TUT4: variants seen among roughly 807,000 people sequenced by gnomAD.
TUT4 encodes the protein terminal uridylyl transferase 4.
TUT4 carries 36 observed loss-of-function variants against 192.2 expected under a neutral mutation model. That is an observed-to-expected ratio of 0.19 (90% CI 0.14 to 0.25). The LOEUF (loss-of-function observed/expected upper bound fraction) is 0.25. TUT4 is among the 10% of genes least tolerant of loss of function. TUT4 has a pLI of 1.00. For synonymous variants in TUT4, 618 were observed against 666.0 expected (o/e 0.93, Z 1.11); for missense variants, 1,493 against 1,957.2 (o/e 0.76, Z 4.47).
chr1:52,424,186 T>TG, intron 29 of TUT4, 184 bp from the exon 30 acceptor site: 1 of 597,334 alleles, frequency 1.7e-6, no homozygotes, highest in Non-Finnish European at 2.9e-6. Context: ...TACCTGTATG[T>TG]GAAAAAAGGA....
chr1:52,445,667 A>C, intron 24 of TUT4, 120 bp downstream of exon 24: 1 of 741,180 alleles, frequency 1.3e-6, no homozygotes, highest in Non-Finnish European at 2.2e-6. Context: ...CAATAAGAAA[A>C]AATATACAAA....
In TUT4 at chr1:52,461,758, A is replaced by G; in HGVS notation, c.3081T>C (p.Cys1027=). ...TTGCCAAATTTTCAATTATTTCCTT[A>G]CAATTTAATTTCTAAAAAACAAATC... The part of the protein sequence containing the change: ...EGHENAEKLN[C]KEIIENLAKI... The change falls in exon 17 of 30, where the codon TGT becomes TGC. Residue 1027 remains cysteine, a synonymous_variant. Coordinates refer to ENST00000257177, the MANE Select transcript of TUT4 (RefSeq NM_001009881.3). The G allele has an allele frequency of 7.2e-7, 1 of 1,398,448 alleles. No homozygotes were observed. Among genetic ancestry groups the G allele is most frequent in the Non-Finnish European group, 9.8e-7 (1 of 1,016,874 alleles). The allele number at this position is 1,398,448 out of a possible 1,614,324, so 86.6% of individuals were successfully genotyped here. A position where few individuals can be genotyped will look rare whatever the true frequency, so the allele number is the denominator to read the frequency against.
chr1:52,458,710 T>C (rs1661640557), intron 19 of TUT4, among the ~76,000 whole-genome samples: 1 of 152,072 alleles, frequency 6.6e-6, no homozygotes, highest in African/African-American at 2.4e-5. Flanking sequence ...CTACTATACA[T>C]GACGTGGGGA....
chr1:52,434,640 C>A (rs762591551), intron 27 of TUT4: 1 of 152,160 alleles, frequency 6.6e-6, no homozygotes, highest in Non-Finnish European at 1.5e-5. Context: ...GAGTTCAAGA[C>A]TAGCCCGACC....
Position 52,525,847 on chromosome 1 carries a change from C to T in TUT4, c.434G>A (p.Ser145Asn), listed in dbSNP as rs980167420. Reference protein sequence around the residue: ...PNSVKAEKASSYQMKSEKVPS... With the variant: ...PNSVKAEKASNYQMKSEKVPS... ...TACTTTTTCTGACTTCATCTGATAA[C>T]TGGATGCTTTTTCTGCTTTCACTGA... Residue 145 changes from serine to asparagine, a missense_variant, in exon 2 of 30, where the codon AGT becomes AAT. Around this residue, in one of 7 missense-constraint regions of TUT4, gnomAD observed 260 missense variants for 247.8 expected, o/e 1.05. Coordinates refer to ENST00000257177, the MANE Select transcript of TUT4 (RefSeq NM_001009881.3). The T allele has an allele frequency of 1.9e-6, 3 of 1,614,000 alleles. No individual in the cohort carries two copies. Among genetic ancestry groups the T allele is most frequent in the Non-Finnish European group, 2.5e-6 (3 of 1,180,032 alleles).
At position 52,438,031 on chromosome 1, in the gene TUT4, G is replaced by A. The variant is rs544465297; in HGVS notation, c.3938+189C>T. ...TTAATGAATAAATGAACAAATGAAT[G>A]TTAGAAGATACTATTATACCACATG... On this transcript the variant is annotated intron_variant, in intron 25 of 29. Coordinates refer to ENST00000257177, the MANE Select transcript of TUT4 (RefSeq NM_001009881.3). 2.0e-5 allele frequency among the ~76,000 whole-genome samples: 3 copies of A among 152,182 alleles called. No individual in the cohort carries two copies. In the East Asian group the frequency reaches 5.8e-4, roughly 29 times the overall value.
chr1:52,508,460 C>T (rs1395932244), intron 4 of TUT4, among the ~76,000 whole-genome samples: 1 of 152,148 alleles, frequency 6.6e-6, no homozygotes, highest in Non-Finnish European at 1.5e-5. Context: ...GTTCTATCTG[C>T]TTCAGTTCAT....
intron 3 of TUT4, among the ~76,000 whole-genome samples, chr1:52,512,315 C>T (rs1446305082): frequency 2.0e-5 from 3 of 152,276 alleles, no homozygotes; most frequent in Non-Finnish European, 2.9e-5. Context: ...AGGACTTGTG[C>T]TAAAAACTTT....
At chr1:52,471,057 C>T (rs1557755392) in intron 14 of TUT4, among the ~76,000 whole-genome samples, 1 of 134,010 alleles carries the variant, frequency 7.5e-6, no homozygotes, top group Non-Finnish European at 1.5e-5. Flanking sequence ...CACTCTGTTG[C>T]CCGGGCTGGA....
chr1:52,552,123 A>G (rs567669572), intron 1 of TUT4, among the ~76,000 whole-genome samples: 34 of 152,354 alleles, frequency 2.2e-4, no homozygotes, highest in Non-Finnish European at 4.1e-4. Flanking sequence ...ATCTTCTGAA[A>G]AGAAAATGTG....
chr1:52,521,912 C>G (rs558074222), intron 2 of TUT4, among the ~76,000 whole-genome samples: 1 of 152,004 alleles, frequency 6.6e-6, no homozygotes, highest in South Asian at 2.1e-4. Flanking sequence ...TTGCAGTGAG[C>G]CAAGATCATA....
intron 4 of TUT4, among the ~76,000 whole-genome samples, chr1:52,502,855 C>T (rs992837736): frequency 2.6e-5 from 4 of 152,038 alleles, no homozygotes; most frequent in Non-Finnish European, 4.4e-5. Context: ...AACTCCTGAG[C>T]TCAGGAGATC....
chr1:52,478,961 A>C (rs1667790067), intron 11 of TUT4, among the ~76,000 whole-genome samples: 1 of 152,218 alleles, frequency 6.6e-6, no homozygotes, highest in Admixed American at 6.5e-5. Context: ...TTAGTAAGTA[A>C]ATTACATAGT....
rs1671778738 is a variant in TUT4 at position 52,493,799 on chromosome 1, C to T, written c.1267-137G>A. Reference sequence around the variant, plus strand: ...GTGTTTTAAATAGTGAAAACAGAATCGTGTTTTTTTTTTGTTTTTTTTTGA... The same window carrying T: ...GTGTTTTAAATAGTGAAAACAGAATTGTGTTTTTTTTTTGTTTTTTTTTGA... On this transcript the variant is annotated intron_variant, in intron 6 of 29. Transcript: ENST00000257177. 4 of 635,902 alleles carry T rather than the reference C, an allele frequency of 6.3e-6. No homozygotes were observed. The South Asian group carries it at 7.0e-5, about 11-fold the overall frequency. The allele number at this position is 635,902 out of a possible 1,614,324, so 39.4% of individuals were successfully genotyped here.
chr1:52,538,990 T>C (rs1571444260), intron 1 of TUT4, among the ~76,000 whole-genome samples: 1 of 152,172 alleles, frequency 6.6e-6, no homozygotes, highest in African/African-American at 2.4e-5. Flanking sequence ...GAACCACCAC[T>C]AGTTATACAA....
chr1:52,521,959 T>C (rs1680401745), intron 2 of TUT4, among the ~76,000 whole-genome samples: 1 of 151,988 alleles, frequency 6.6e-6, no homozygotes. Context: ...AGCAAGACTC[T>C]GTCTCCAAAA....
chr1:52,546,493 C>T (rs1688124733), intron 1 of TUT4, among the ~76,000 whole-genome samples: 1 of 151,944 alleles, frequency 6.6e-6, no homozygotes, highest in Non-Finnish European at 1.5e-5. Context: ...TAGTCAAAAT[C>T]GTAAAGACAG....
chr1:52,499,920 AT>A (rs1386525422), intron 4 of TUT4, among the ~76,000 whole-genome samples: 2 of 148,608 alleles, frequency 1.3e-5, no homozygotes, highest in Non-Finnish European at 3.0e-5. Context: ...AATTAAAAAA[AT>A]ATATATACAT....
intron 1 of TUT4, among the ~76,000 whole-genome samples, chr1:52,532,429 C>T (rs541660951): frequency 2.6e-5 from 4 of 151,704 alleles, no homozygotes; most frequent in Non-Finnish European, 4.4e-5. Flanking sequence ...TGGGCTCAAG[C>T]GAGCCTCCCA....
Sources: allele counts gnomAD v4.1 joint callset (sites outside exome capture counted in the v4.1 genomes callset), GRCh38; gene constraint gnomAD v4.1.1; regional missense constraint gnomAD v4.1.1; transcripts MANE v1.5; gene names NCBI Gene and HGNC (gene_info 2026-07-23, HGNC 2026-07-21).